NRG1: variants seen among roughly 807,000 people sequenced by gnomAD.
The protein encoded by NRG1 is neuregulin 1, also known as pro-neuregulin-1, membrane-bound isoform.
A neutral mutation model predicts 63.8 loss-of-function variants in NRG1; 18 were observed. The ratio of observed to expected loss-of-function variants is 0.28; its 90% CI spans 0.19 to 0.42. NRG1 has a LOEUF of 0.42. Ranked by LOEUF, NRG1 falls within the 10% of genes least tolerant of loss-of-function variation. NRG1 has a pLI of 1.00. For missense variants in NRG1, 762 were observed against 814.7 expected, an observed-to-expected ratio of 0.94 and a Z score of 0.79; for synonymous variants, 302 against 301.3, an observed-to-expected ratio of 1.00 and a Z score of -0.02.
chr8:32,162,494 A>G (rs1021077382), intron 1 of NRG1, among the ~76,000 whole-genome samples: 1 of 152,208 alleles, frequency 6.6e-6, no homozygotes. Context: ...CTAAAAACAA[A>G]GAATGAAAAA....
chr8:31,898,855 T>C (rs946590590), intron 1 of NRG1, among the ~76,000 whole-genome samples: 2 of 152,176 alleles, frequency 1.3e-5, no homozygotes, highest in African/African-American at 4.8e-5. Context: ...CTCTCTTCTT[T>C]CTTTTTTTTC....
At chr8:31,703,248 A>G (rs1266218929) in intron 1 of NRG1, among the ~76,000 whole-genome samples, 1 of 151,770 alleles carries the variant, frequency 6.6e-6, no homozygotes, top group Non-Finnish European at 1.5e-5. Context: ...CAAAAGCAAT[A>G]TACTGTGTCT....
chr8:31,832,016 A>G (rs1428737588), intron 1 of NRG1, among the ~76,000 whole-genome samples: 1 of 152,158 alleles, frequency 6.6e-6, no homozygotes, highest in African/African-American at 2.4e-5. Context: ...GCACGTCTGT[A>G]CACACCTGCC....
chr8:31,846,350 A>C (rs1464411738), intron 1 of NRG1, among the ~76,000 whole-genome samples: 2 of 152,212 alleles, frequency 1.3e-5, no homozygotes, highest in Non-Finnish European at 2.9e-5. Context: ...TGAAAGGCCT[A>C]AAGGCCACAC....
intron 1 of NRG1, among the ~76,000 whole-genome samples, chr8:32,143,345 A>G (rs185516460): frequency 1.1e-3 from 168 of 152,294 alleles, no homozygotes; most frequent in Admixed American, 3.0e-3. Flanking sequence ...AGAACCAGAA[A>G]TCTCCTGATA....
intron 1 of NRG1, among the ~76,000 whole-genome samples, chr8:31,677,075 A>C (rs1807783106): frequency 6.6e-6 from 1 of 152,060 alleles, no homozygotes; most frequent in South Asian, 2.1e-4. Context: ...CATGTGCTCC[A>C]TTTTCAGTAG....
chr8:32,173,004 C>G (rs1236716718), intron 1 of NRG1, among the ~76,000 whole-genome samples: 1 of 152,060 alleles, frequency 6.6e-6, no homozygotes, highest in Non-Finnish European at 1.5e-5. Context: ...CAAAGATACT[C>G]CTCGAGAAGA....
At chr8:32,528,547 T>C (rs926549778) in intron 1 of NRG1, among the ~76,000 whole-genome samples, 10 of 152,356 alleles carry the variant, frequency 6.6e-5, no homozygotes, top group African/African-American at 2.4e-4. Context: ...AGCAACTCTG[T>C]TCATGAGTGA....
intron 1 of NRG1, among the ~76,000 whole-genome samples, chr8:31,788,414 G>T (rs1820383444): frequency 6.6e-6 from 1 of 151,768 alleles, no homozygotes; most frequent in Admixed American, 6.6e-5. Context: ...GGATATTTAG[G>T]CTTGAAATAA....
intron 1 of NRG1, among the ~76,000 whole-genome samples, chr8:31,781,955 G>C (rs1234513794): frequency 6.6e-6 from 1 of 152,072 alleles, no homozygotes; most frequent in East Asian, 1.9e-4. Flanking sequence ...AAGAGAGTGG[G>C]CACTTCTCCC....
intron 1 of NRG1, among the ~76,000 whole-genome samples, chr8:31,946,880 G>A (rs1802628692): frequency 6.6e-6 from 1 of 152,214 alleles, no homozygotes; most frequent in Admixed American, 6.5e-5. Context: ...AGATAGATTT[G>A]AGATTGATAC....
rs543716598 is a variant in NRG1 at position 32,496,545 on chromosome 8, G to A, written c.38-99283G>A. Reference sequence around the variant, plus strand: ...GTCAAGATTGCGGTGAGCTATGATTGAGCCACTGCACTCCAGCCTGGAGGA... The same window carrying A: ...GTCAAGATTGCGGTGAGCTATGATTAAGCCACTGCACTCCAGCCTGGAGGA... On this transcript the variant is annotated intron_variant, in intron 1 of 10. Transcript: ENST00000519301. 1.0e-3 allele frequency among the ~76,000 whole-genome samples: 157 copies of A among 152,210 alleles called. 1 individual carries two copies. Among genetic ancestry groups the A allele is most frequent in the Middle Eastern group, 3.4e-3 (1 of 294 alleles).
At chr8:32,327,349 A>G (rs1465787290) in intron 1 of NRG1, among the ~76,000 whole-genome samples, 1 of 152,234 alleles carries the variant, frequency 6.6e-6, no homozygotes, top group African/African-American at 2.4e-5. Flanking sequence ...TTTTTTAAAG[A>G]CAACAAAGAA....
At chr8:31,857,954 G>C (rs893140873) in intron 1 of NRG1, among the ~76,000 whole-genome samples, 1 of 152,134 alleles carries the variant, frequency 6.6e-6, no homozygotes. Context: ...GCTGGCTCTT[G>C]GAAGTTGACA....
intron 1 of NRG1, among the ~76,000 whole-genome samples, chr8:32,424,576 T>G (rs1171896101): frequency 1.3e-5 from 2 of 152,148 alleles, no homozygotes; most frequent in East Asian, 3.9e-4. Context: ...TTTTAGAATC[T>G]TGGGCAATTC....
intron 1 of NRG1, among the ~76,000 whole-genome samples, chr8:32,519,887 G>C (rs574898444): frequency 6.6e-6 from 1 of 152,126 alleles, no homozygotes; most frequent in South Asian, 2.1e-4. Flanking sequence ...GTGTATTGGA[G>C]GTGGATAAGC....
At chr8:32,423,185 CAAT>C (rs1816910335) in intron 1 of NRG1, among the ~76,000 whole-genome samples, 1 of 152,202 alleles carries the variant, frequency 6.6e-6, no homozygotes, top group South Asian at 2.1e-4. Context: ...TTGCCTTCAG[CAAT>C]AATATTTTCA....
chr8:31,997,687 G>A (rs1466634317), intron 1 of NRG1, among the ~76,000 whole-genome samples: 4 of 151,884 alleles, frequency 2.6e-5, no homozygotes. Context: ...TCATCACACT[G>A]TCTCCTTCTA....
At chr8:32,722,347 G>A (rs1433762577) in intron 5 of NRG1, among the ~76,000 whole-genome samples, 1 of 152,096 alleles carries the variant, frequency 6.6e-6, no homozygotes, top group Non-Finnish European at 1.5e-5. Context: ...CTGGTCTACT[G>A]GTTTTGTCTA....
Sources: gnomAD v4.1 joint callset for allele counts (sites outside exome capture counted in the v4.1 genomes callset) on GRCh38, gnomAD v4.1.1 for gene constraint, MANE v1.5 for transcripts, NCBI Gene and HGNC (gene_info 2026-07-23, HGNC 2026-07-21) for gene names.